VRK1: variants seen among roughly 807,000 people sequenced by gnomAD.
The protein encoded by VRK1 is serine/threonine-protein kinase VRK1.
Under a neutral mutation model 57.1 loss-of-function variants are expected in VRK1, and 33 were observed. That is an observed-to-expected ratio of 0.58 (90% confidence interval 0.44 to 0.77). The LOEUF is 0.77. Among genes scored for constraint, VRK1 ranks in the 30% least tolerant of loss-of-function variants. VRK1 has a pLI of 0.00. For missense variants in VRK1, 413 were observed against 477.3 expected (o/e 0.87, Z 1.25); for synonymous variants, 137 against 147.8 (o/e 0.93, Z 0.53).
chr14:96,870,071 C>T (rs1888756705), intron 11 of VRK1, among the ~76,000 whole-genome samples: 3 of 152,296 alleles, frequency 2.0e-5, no homozygotes, highest in Admixed American at 2.0e-4. Context: ...CTTGATTGTG[C>T]TCAGTACAGG....
At chr14:96,813,642 A>C (rs1048773512) in intron 1 of VRK1, among the ~76,000 whole-genome samples, 2 of 152,164 alleles carry the variant, frequency 1.3e-5, no homozygotes, top group African/African-American at 4.8e-5. Context: ...TGACAGAGTT[A>C]GGCCATGGGA....
chr14:96,875,411 G>T (rs1888987036), intron 11 of VRK1, among the ~76,000 whole-genome samples: 1 of 152,162 alleles, frequency 6.6e-6, no homozygotes, highest in African/African-American at 2.4e-5. Flanking sequence ...GGAGAGCTTT[G>T]TACTTTTAAG....
At chr14:96,842,353 T>A (rs1342046221) in intron 3 of VRK1, among the ~76,000 whole-genome samples, 4 of 152,198 alleles carry the variant, frequency 2.6e-5, no homozygotes, top group Admixed American at 2.6e-4. Flanking sequence ...ATCAGTTCTT[T>A]CTGGTATTAA....
intron 1 of VRK1, among the ~76,000 whole-genome samples, chr14:96,808,002 C>CGTCTCTCTCTCT (rs1555357994): frequency 0.065 from 7,635 of 117,546 alleles, 387 homozygotes; most frequent in South Asian, 0.12. Flanking sequence ...TCCCTCTCTC[C>CGTCTCTCTCTCT]CTCTCTCTCT....
At chr14:96,831,812 G>A (rs1226786314) in intron 1 of VRK1, among the ~76,000 whole-genome samples, 1 of 152,140 alleles carries the variant, frequency 6.6e-6, no homozygotes. Context: ...TGATAAAGTG[G>A]GTTGAAATTC....
intron 1 of VRK1, among the ~76,000 whole-genome samples, chr14:96,812,660 T>A (rs1215637152): frequency 6.6e-6 from 1 of 152,218 alleles, no homozygotes; most frequent in South Asian, 2.1e-4. Flanking sequence ...CTCAAAATGT[T>A]TTTTCTTTTT....
chr14:96,876,855 T>C (rs1379086550), intron 12 of VRK1, among the ~76,000 whole-genome samples: 1 of 151,442 alleles, frequency 6.6e-6, no homozygotes, highest in Non-Finnish European at 1.5e-5. Context: ...AAACTGGCAC[T>C]GAAGGCACTT....
At chr14:96,818,029 CTTTCG>C (rs1886459374) in intron 1 of VRK1, among the ~76,000 whole-genome samples, 1 of 149,094 alleles carries the variant, frequency 6.7e-6, no homozygotes, top group African/African-American at 2.6e-5. Flanking sequence ...GTCTTCATCA[CTTTCG>C]TTTCTGGGAG....
rs531036639 is a variant in VRK1, at chr14:96,825,866, C to A, written c.-5-7601C>A. Among the ~76,000 whole-genome samples, 12 of 152,082 alleles carry A rather than the reference C, an allele frequency of 7.9e-5. No individual in the cohort carries two copies. In the South Asian group the frequency reaches 1.7e-3, roughly 21 times the overall value. On this transcript the variant is annotated intron_variant, in intron 1 of 12. Coordinates refer to ENST00000216639, the MANE Select transcript of VRK1 (RefSeq NM_003384.3). ...AAAATTTCATAAAAATACATGACCC[C>A]CTAAAGGAGTTTACATGCAGAACTA...
At chr14:96,839,392 A>G (rs1263744389) in intron 3 of VRK1, among the ~76,000 whole-genome samples, 1 of 152,146 alleles carries the variant, frequency 6.6e-6, no homozygotes, top group African/African-American at 2.4e-5. Flanking sequence ...TATAGGGAAG[A>G]TGTCTATTTA....
chr14:96,800,925 A>G (rs1043534511), intron 1 of VRK1, among the ~76,000 whole-genome samples: 1 of 152,094 alleles, frequency 6.6e-6, no homozygotes, highest in Non-Finnish European at 1.5e-5. Flanking sequence ...TTTTAAAGCA[A>G]ATATCATACT....
chr14:96,865,290 A>G (rs952926617), intron 11 of VRK1, among the ~76,000 whole-genome samples: 3 of 152,146 alleles, frequency 2.0e-5, no homozygotes, highest in African/African-American at 7.2e-5. Context: ...GTTGATCTCA[A>G]CCATTTGTGG....
intron 12 of VRK1, among the ~76,000 whole-genome samples, chr14:96,879,465 G>C (rs537795999): frequency 3.9e-5 from 6 of 152,218 alleles, no homozygotes; most frequent in Admixed American, 2.6e-4. Flanking sequence ...AATGCTATTT[G>C]AATGTAACTT....
intron 12 of VRK1, among the ~76,000 whole-genome samples, chr14:96,880,182 T>A (rs1193769017): frequency 6.6e-6 from 1 of 152,198 alleles, no homozygotes; most frequent in African/African-American, 2.4e-5. Flanking sequence ...TTAAAAATGC[T>A]AGTTTTGAAA....
intron 1 of VRK1, among the ~76,000 whole-genome samples, chr14:96,803,532 T>G (rs1175996514): frequency 6.6e-6 from 1 of 152,186 alleles, no homozygotes; most frequent in African/African-American, 2.4e-5. Flanking sequence ...GGCTCCAATT[T>G]ATAAATTAAG....
chr14:96,844,326 G>T (rs376262967), intron 3 of VRK1, among the ~76,000 whole-genome samples: 3 of 152,298 alleles, frequency 2.0e-5, no homozygotes, highest in African/African-American at 4.8e-5. Context: ...CTTTCAGTAT[G>T]TTGGTTAGTT....
intron 1 of VRK1, among the ~76,000 whole-genome samples, chr14:96,798,890 T>G (rs1290590512): frequency 6.6e-6 from 1 of 152,246 alleles, no homozygotes; most frequent in Non-Finnish European, 1.5e-5. Flanking sequence ...GTAACTTAAG[T>G]AGTCACTTAA....
chr14:96,856,068 A>G, intron 8 of VRK1, 62 bp from the exon 9 acceptor site: 1 of 1,569,010 alleles, frequency 6.4e-7, no homozygotes, highest in Non-Finnish European at 8.7e-7. Context: ...CTTTATATAT[A>G]CTTTAAATTA....
intron 1 of VRK1, among the ~76,000 whole-genome samples, chr14:96,802,631 T>C (rs996341834): frequency 6.6e-6 from 1 of 152,242 alleles, no homozygotes; most frequent in East Asian, 1.9e-4. Flanking sequence ...GTGTCTTGTT[T>C]ATGGTGATGG....
Sources: gnomAD v4.1 joint callset for allele counts (sites outside exome capture counted in the v4.1 genomes callset) on GRCh38, gnomAD v4.1.1 for gene constraint, MANE v1.5 for transcripts, NCBI Gene and HGNC (gene_info 2026-07-23, HGNC 2026-07-21) for gene names.